The following FASTKD5 variants were observed in gnomAD, a reference collection of about 807,000 sequenced individuals.
The protein encoded by FASTKD5 is non-canonical pre-mRNAs endonuclease FASTKD5, mitochondrial.
In FASTKD5, 30 loss-of-function variants were observed where a neutral mutation model predicts 44.0. The ratio of observed to expected loss-of-function variants is 0.68; its 90% CI spans 0.51 to 0.93. The LOEUF (loss-of-function observed/expected upper bound fraction) is 0.93, where lower values mean the gene tolerates loss of function less well. Ranked by LOEUF, FASTKD5 falls within the 40% of genes least tolerant of loss-of-function variation. The pLI is 0.00. For synonymous variants in FASTKD5, 335 were observed against 342.2 expected (o/e 0.98, Z 0.23); for missense variants, 868 against 908.2 (o/e 0.96, Z 0.57).
Position 3,147,111 on chromosome 20 carries a change from G to A in FASTKD5, c.1960C>T (p.Pro654Ser). 3 of 1,613,906 alleles carry A rather than the reference G, an allele frequency of 1.9e-6. No individual in the cohort carries two copies. The highest frequency in any genetic ancestry group is 2.5e-6 in the Non-Finnish European group (3 of 1,180,046). The change falls in exon 2 of 2, where the codon CCC becomes TCC. Residue 654 changes from proline to serine, a missense_variant. Coordinates refer to ENST00000380266, the MANE Select transcript of FASTKD5 (RefSeq NM_021826.5). Reference sequence around the variant, plus strand: ...GCTGCCTTATTCTCCAACTCCATGGGCTGCTGCCCAGGCTCTGACTCAGTT... The same window carrying A: ...GCTGCCTTATTCTCCAACTCCATGGACTGCTGCCCAGGCTCTGACTCAGTT... ...GKTESEPGQQ[P>S]MELENKAAVP...
At chr20:3,151,954 A>G (rs1325507569) in intron 1 of FASTKD5, 6 of 151,536 alleles carry the variant, frequency 4.0e-5, no homozygotes, top group Non-Finnish European at 8.8e-5. Context: ...CAAATACAAA[A>G]ATTAGCCAGG....
At chr20:3,151,772 C>T (rs374310140) in intron 1 of FASTKD5, 2 of 151,724 alleles carry the variant, frequency 1.3e-5, no homozygotes, top group African/African-American at 4.8e-5. Context: ...ATTAGGAAAT[C>T]CAATTAATAC....
In FASTKD5 at chr20:3,148,223, T is replaced by C. The variant is rs1291386030; in HGVS notation, c.848A>G (p.His283Arg). 1 of 1,613,974 alleles carries C rather than the reference T, an allele frequency of 6.2e-7. No homozygotes were observed. Among genetic ancestry groups the C allele is most frequent in the South Asian group, 1.1e-5 (1 of 91,062 alleles). Residue 283 changes from histidine to arginine, a missense_variant, in exon 2 of 2, where the codon CAC (histidine) becomes CGC (arginine). Coordinates refer to ENST00000380266, the MANE Select transcript of FASTKD5 (RefSeq NM_021826.5). Reference sequence around the variant, plus strand: ...ATTTTCACCTATAACATAAATTAAGTGAACTAGCTGAGACAAGGATAGATC... The same window carrying C: ...ATTTTCACCTATAACATAAATTAAGCGAACTAGCTGAGACAAGGATAGATC... The part of the protein sequence containing the change: ...WKDLSLSQLV[H>R]LIYVIGENRQ...
intron 1 of FASTKD5, among the ~76,000 whole-genome samples, chr20:3,158,824 C>T (rs540293971): frequency 1.9e-4 from 29 of 152,300 alleles, no homozygotes; most frequent in Non-Finnish European, 3.4e-4. Context: ...AAGGACTTGC[C>T]CAGGACCATT....
At position 3,148,944 on chromosome 20, in the gene FASTKD5, G is replaced by A. The variant is rs2066597219; in HGVS notation, c.127C>T (p.Pro43Ser). 1.9e-6 allele frequency: 3 copies of A among 1,614,018 alleles called. No homozygotes were observed. Among genetic ancestry groups the A allele is most frequent in the African/African-American group, 1.3e-5 (1 of 74,906 alleles). ...VSSTQHGGQD[P>S]PEHISLCHSA... ...TGGCAGAGGCTAATGTGTTCTGGAG[G>A]GTCCTGTCCCCCATGCTGTGTGCTG... Residue 43 changes from proline (P) to serine (S), a missense_variant, in exon 2 of 2, where the codon CCT becomes TCT. Pro to Ser is a moderately conservative substitution (Grantham distance 74). Transcript: ENST00000380266.
intron 1 of FASTKD5, among the ~76,000 whole-genome samples, chr20:3,151,451 C>G (rs1354181997): frequency 6.6e-6 from 1 of 152,118 alleles, no homozygotes; most frequent in African/African-American, 2.4e-5. Context: ...CATAAAAAGT[C>G]TGCTGATCTC....
Position 3,148,924 on chromosome 20 carries a change from G to A in FASTKD5, c.147C>T (p.Leu49=). Reference sequence around the variant, plus strand: ...TCTTAACTTTTTTGGCAGAATGGCAGAGGCTAATGTGTTCTGGAGGGTCCT... The same window carrying A: ...TCTTAACTTTTTTGGCAGAATGGCAAAGGCTAATGTGTTCTGGAGGGTCCT... ...GGQDPPEHIS[L]CHSAKKVKNI... is the part of the protein sequence containing the mutation. The change falls in exon 2 of 2, where the codon CTC becomes CTT. Residue 49 remains leucine, a synonymous_variant. Transcript: ENST00000380266. 1.9e-6 allele frequency: 3 copies of A among 1,614,222 alleles called. No individual in the cohort carries two copies. Among genetic ancestry groups the A allele is most frequent in the Non-Finnish European group, 2.5e-6 (3 of 1,180,050 alleles).
chr20:3,156,325 G>T (rs572866870), intron 1 of FASTKD5, among the ~76,000 whole-genome samples: 24 of 151,996 alleles, frequency 1.6e-4, no homozygotes, highest in African/African-American at 5.6e-4. Context: ...AAAGGCTCAC[G>T]CCAACATGCC....
In FASTKD5 at chr20:3,148,169, T is replaced by G. The variant is rs1175566485; in HGVS notation, c.902A>C (p.Lys301Thr). ...NRQVSQDLMQ[K>T]LESLILKYID... Reference sequence around the variant, plus strand: ...ATATTTAAGGATCAATGATTCCAATTTTTGCATTAGGTCCTGGGATACCTG... The same window carrying G: ...ATATTTAAGGATCAATGATTCCAATGTTTGCATTAGGTCCTGGGATACCTG... The change falls in exon 2 of 2, where the codon AAA becomes ACA. Residue 301 changes from lysine (K) to threonine (T), a missense_variant. Physicochemically the swap from Lys to Thr is moderately conservative, Grantham distance 78. Coordinates refer to ENST00000380266, the MANE Select transcript of FASTKD5 (RefSeq NM_021826.5). 9.3e-6 allele frequency: 15 copies of G among 1,613,690 alleles called. No individual in the cohort carries two copies. In the Middle Eastern group the frequency reaches 6.6e-4, roughly 71 times the overall value.
intron 1 of FASTKD5, among the ~76,000 whole-genome samples, chr20:3,155,482 G>A (rs1401812608): frequency 6.6e-6 from 1 of 152,120 alleles, no homozygotes; most frequent in South Asian, 2.1e-4. Context: ...GGTGAGGCGA[G>A]GTCGCACCAC....
In FASTKD5 at chr20:3,146,951, T is replaced by A. The variant is rs369345081; in HGVS notation, c.2120A>T (p.Tyr707Phe). 5.6e-6 allele frequency: 9 copies of A among 1,614,172 alleles called. No individual in the cohort carries two copies. The highest frequency in any genetic ancestry group is 7.6e-6 in the Non-Finnish European group (9 of 1,180,042). ...AAGGAGATCCCTGGAGCCATAGCAA[T>A]ACTGGTTCCTGTTTGTGAACTGAAC... ...LAVQFTNRNQ[Y>F]CYGSRDLLGL... Residue 707 changes from tyrosine to phenylalanine, a missense_variant, in exon 2 of 2, where the codon TAT becomes TTT. Coordinates refer to ENST00000380266, the MANE Select transcript of FASTKD5 (RefSeq NM_021826.5).
rs983621071 is a variant in FASTKD5 at position 3,149,358 on chromosome 20, C to T, written c.-190-98G>A. On this transcript the variant is annotated intron_variant, in intron 1 of 1. Transcript: ENST00000380266. This position sits in a 1 kb window ranked among gnomAD's most constrained non-coding sequence, Gnocchi z 4.1. ...CAGGTTGAAACTACACTGCTGTCTA[C>T]TCAAATAAGTTCAATGCTAGTAAAT... 4 of 392,240 alleles carry T rather than the reference C, an allele frequency of 1.0e-5. No individual in the cohort carries two copies. The highest frequency in any genetic ancestry group is 4.3e-5 in the Admixed American group (1 of 23,468). The allele number at this position is 392,240 out of a possible 1,614,324, so 24.3% of individuals were successfully genotyped here.
At position 3,148,677 on chromosome 20, in the gene FASTKD5, C is replaced by T. The variant is rs374957332; in HGVS notation, c.394G>A (p.Ala132Thr). 1 of 1,614,048 alleles carries T rather than the reference C, an allele frequency of 6.2e-7. No homozygotes were observed. Among genetic ancestry groups the T allele is most frequent in the Non-Finnish European group, 8.5e-7 (1 of 1,180,034 alleles). Residue 132 changes from alanine to threonine, a missense_variant, in exon 2 of 2, where the codon GCA (alanine) becomes ACA (threonine). Physicochemically the swap from Ala to Thr is moderately conservative, Grantham distance 58. Transcript: ENST00000380266. ...RPEYRVHSYN[A>T]SETSQLLSVS... ...GACAGGAGCTGAGAAGTCTCAGATG[C>T]ATTATAGCTGTGAACACGGTATTCT...
intron 1 of FASTKD5, among the ~76,000 whole-genome samples, chr20:3,158,498 G>A (rs543803340): frequency 6.6e-6 from 1 of 152,144 alleles, no homozygotes; most frequent in African/African-American, 2.4e-5. Flanking sequence ...ATTTGAGACG[G>A]ACTCTCGCTC....
rs372853443 is a variant in FASTKD5 at position 3,146,788 on chromosome 20, G to A, written c.2283C>T (p.Thr761=). ...CCCTAAATGCCCTTCAGAGAGCAGA[G>A]GTGAATACTTTCTCATGAAGAAACG... ...KLAFLHEKVF[T]SAL Residue 761 remains threonine (T), a synonymous_variant, in exon 2 of 2, where the codon ACC becomes ACT. Transcript: ENST00000380266. 2 of 1,613,594 alleles carry A rather than the reference G, an allele frequency of 1.2e-6. No individual in the cohort carries two copies. The highest frequency in any genetic ancestry group is 2.7e-5 in the African/African-American group (2 of 74,926).
intron 1 of FASTKD5, among the ~76,000 whole-genome samples, chr20:3,154,256 G>A (rs564287220): frequency 6.6e-6 from 1 of 152,318 alleles, no homozygotes; most frequent in Admixed American, 6.5e-5. Flanking sequence ...CAGTACCCAG[G>A]AGAGGAGAAT....
chr20:3,150,694 G>A (rs1185561410), intron 1 of FASTKD5: 2 of 152,152 alleles, frequency 1.3e-5, no homozygotes, highest in Non-Finnish European at 2.9e-5. Flanking sequence ...CTTTCTTCCA[G>A]AGCCCATAGC....
chr20:3,156,990 G>A (rs2066692415), intron 1 of FASTKD5, among the ~76,000 whole-genome samples: 1 of 152,166 alleles, frequency 6.6e-6, no homozygotes, highest in Admixed American at 6.5e-5. Context: ...TGGCTAGACA[G>A]GTGGCTCATG....
chr20:3,152,100 CAAAAAAAAAAAA>C (rs60655157), intron 1 of FASTKD5, among the ~76,000 whole-genome samples: 17 of 62,884 alleles, frequency 2.7e-4, no homozygotes, highest in Non-Finnish European at 5.1e-4. Context: ...GACTCTGTCT[CAAAAAAAAAAAA>C]AAAAAAAAAA....
Sources: allele counts gnomAD v4.1 joint callset (sites outside exome capture counted in the v4.1 genomes callset), GRCh38; gene constraint gnomAD v4.1.1; non-coding constraint Gnocchi (gnomAD v3.1); transcripts MANE v1.5; gene names NCBI Gene and HGNC (gene_info 2026-07-23, HGNC 2026-07-21).